Variants in MARCHF6 observed in about 807,000 individuals in gnomAD.
The protein encoded by MARCHF6 is E3 ubiquitin-protein ligase MARCHF6.
MARCHF6 carries 31 observed loss-of-function variants against 133.7 expected under a neutral mutation model. The ratio of observed to expected loss-of-function variants is 0.23; its 90% CI spans 0.17 to 0.31. MARCHF6 has a LOEUF of 0.31. Ranked by LOEUF, MARCHF6 falls within the 10% of genes least tolerant of loss-of-function variation. The pLI, the probability that MARCHF6 is intolerant of heterozygous loss-of-function variation, is 1.00. For synonymous variants in MARCHF6, 395 were observed against 402.5 expected (o/e 0.98, Z 0.22); for missense variants, 723 against 1,121.6 (o/e 0.64, Z 5.08).
In MARCHF6 at chr5:10,439,920, A is replaced by C. The variant is rs1287515488; in HGVS notation, c.*6236A>C. 2 of 152,302 alleles carry C rather than the reference A, an allele frequency of 1.3e-5. No homozygotes were observed. Among genetic ancestry groups the C allele is most frequent in the African/African-American group, 4.8e-5 (2 of 41,466 alleles). 9.4% of individuals were successfully genotyped at this position (152,302 alleles called of 1,614,324 possible). On this transcript the variant is annotated 3_prime_UTR_variant, in exon 26 of 26. Coordinates refer to ENST00000274140, the MANE Select transcript of MARCHF6 (RefSeq NM_005885.4). ...TTTGCACTTACTATTTGCAATACCC[A>C]AATGTTCTTCAGGCTCTTTAGCCTC...
Position 10,437,087 on chromosome 5 carries a change from G to A in MARCHF6, c.*3403G>A, listed in dbSNP as rs921961280. The A allele has an allele frequency of 3.3e-5, 5 of 152,244 alleles. No homozygotes were observed. Among genetic ancestry groups the A allele is most frequent in the Admixed American group, 6.5e-5 (1 of 15,286 alleles). The allele number at this position is 152,244 out of a possible 1,614,324, so 9.4% of individuals were successfully genotyped here. On this transcript the variant is annotated 3_prime_UTR_variant, in exon 26 of 26. Transcript: ENST00000274140. Reference sequence around the variant, plus strand: ...TTTAAAACAAAACAAACACTGGACAGTTCTACATTGTATTGCGTTTGCGAA... The same window carrying A: ...TTTAAAACAAAACAAACACTGGACAATTCTACATTGTATTGCGTTTGCGAA...
chr5:10,372,199 T>C (rs191651134), intron 1 of MARCHF6, among the ~76,000 whole-genome samples: 31 of 152,202 alleles, frequency 2.0e-4, no homozygotes, highest in Middle Eastern at 3.4e-3. Flanking sequence ...AGAAAATTAA[T>C]TTTCATTTTC....
chr5:10,397,437 CAT>C (rs1223080634), intron 10 of MARCHF6, 93 bp downstream of exon 10: 1 of 965,150 alleles, frequency 1.0e-6, no homozygotes, highest in Non-Finnish European at 1.5e-6. Flanking sequence ...TATTTTTTAA[CAT>C]AGAAATAAAT....
At chr5:10,428,347 T>TTG (rs1740199306) in intron 24 of MARCHF6, among the ~76,000 whole-genome samples, 5 of 142,922 alleles carry the variant, frequency 3.5e-5, no homozygotes, top group Admixed American at 3.5e-4. Flanking sequence ...TTTTTTTTTT[T>TTG]TTTTTTTTTT....
intron 25 of MARCHF6, among the ~76,000 whole-genome samples, chr5:10,432,622 C>G (rs577579089): frequency 1.3e-5 from 2 of 152,256 alleles, no homozygotes; most frequent in African/African-American, 2.4e-5. Context: ...AGATGTCTGT[C>G]TCCTTGAGTA....
At chr5:10,412,064 A>T (rs974420226) in intron 19 of MARCHF6, among the ~76,000 whole-genome samples, 3 of 152,244 alleles carry the variant, frequency 2.0e-5, no homozygotes, top group Non-Finnish European at 4.4e-5. Context: ...CTGTTATTTT[A>T]AAATGCCCTT....
At chr5:10,405,475 T>G in intron 15 of MARCHF6, 83 bp from the exon 16 acceptor site, 1 of 1,193,500 alleles carries the variant, frequency 8.4e-7, no homozygotes, top group South Asian at 1.6e-5. Flanking sequence ...TTCTAAGTGC[T>G]TATCTTTCTG....
At chr5:10,406,393 CTT>C (rs879432928) in intron 16 of MARCHF6, among the ~76,000 whole-genome samples, 20 of 142,036 alleles carry the variant, frequency 1.4e-4, no homozygotes, top group Non-Finnish European at 1.7e-4. Flanking sequence ...TAATTTCTTT[CTT>C]TTTTTTTTTT....
At chr5:10,423,683 G>A in intron 22 of MARCHF6, 52 bp from the exon 23 acceptor site, 1 of 1,258,158 alleles carries the variant, frequency 7.9e-7, no homozygotes, top group Non-Finnish European at 1.2e-6. Flanking sequence ...TCTCTGCTGT[G>A]TTTATTGTTA....
chr5:10,393,190 C>G (rs1010091891), intron 7 of MARCHF6, among the ~76,000 whole-genome samples: 7 of 152,124 alleles, frequency 4.6e-5, no homozygotes, highest in African/African-American at 1.4e-4. Flanking sequence ...CTCAGCTCCC[C>G]AAGTAGCTGG....
At chr5:10,377,495 TTTG>T (rs1270957146) in intron 1 of MARCHF6, among the ~76,000 whole-genome samples, 1 of 152,248 alleles carries the variant, frequency 6.6e-6, no homozygotes, top group African/African-American at 2.4e-5. Flanking sequence ...ATTTTTATTA[TTTG>T]TTGTGGAGAG....
intron 1 of MARCHF6, among the ~76,000 whole-genome samples, chr5:10,374,460 G>A (rs1736651769): frequency 6.6e-6 from 1 of 152,136 alleles, no homozygotes; most frequent in Non-Finnish European, 1.5e-5. Context: ...AAGAAAATTA[G>A]TGTTCAAAGT....
At chr5:10,404,333 G>A (rs1738751832) in intron 15 of MARCHF6, among the ~76,000 whole-genome samples, 1 of 152,116 alleles carries the variant, frequency 6.6e-6, no homozygotes, top group Admixed American at 6.6e-5. Context: ...CTCCCAAAGT[G>A]CTGGGATTAC....
chr5:10,353,839 T>A lies in MARCHF6; in HGVS notation c.-60T>A, dbSNP rs1579503255. 6.6e-7 allele frequency: 1 copy of A among 1,514,070 alleles called. No individual in the cohort carries two copies. 93.8% of individuals were successfully genotyped at this position (1,514,070 alleles called of 1,614,324 possible). ...CGGCTCCCTCCTCCTCTCCCCTCCCTCTTTCCCCGCCCGGCCGCGGGAGCC... is the reference window on the plus strand; with the variant it reads ...CGGCTCCCTCCTCCTCTCCCCTCCCACTTTCCCCGCCCGGCCGCGGGAGCC... On this transcript the variant is annotated 5_prime_UTR_variant, in exon 1 of 26. Transcript: ENST00000274140.
intron 7 of MARCHF6, 61 bp from the exon 8 acceptor site, chr5:10,394,020 AT>A (rs969522663): frequency 5.8e-4 from 606 of 1,038,052 alleles, no homozygotes; most frequent in African/African-American, 9.7e-4. Context: ...AGTGCATTCT[AT>A]TTTTTTTATT....
In MARCHF6 at chr5:10,375,497, C is replaced by T. The variant is rs186058549; in HGVS notation, c.20-2301C>T. Among the ~76,000 whole-genome samples, 385 of 152,380 alleles carry T rather than the reference C, an allele frequency of 2.5e-3. 3 individuals are homozygous for T. The highest frequency in any genetic ancestry group is 8.9e-3 in the African/African-American group (369 of 41,602). ...TCCCCGACGAGCACCACCCTCTGCT[C>T]CACGGCGCCCAGTCCCATCGACCAC... On this transcript the variant is annotated intron_variant, in intron 1 of 25. Coordinates refer to ENST00000274140, the MANE Select transcript of MARCHF6 (RefSeq NM_005885.4).
chr5:10,391,414 T>G (rs975988938), intron 6 of MARCHF6, 128 bp from the exon 7 acceptor site: 6 of 638,634 alleles, frequency 9.4e-6, no homozygotes, highest in Non-Finnish European at 1.5e-5. Context: ...ATTACAGGCA[T>G]GAGCCACTAC....
At chr5:10,404,715 T>C (rs998843403) in intron 15 of MARCHF6, among the ~76,000 whole-genome samples, 1 of 152,318 alleles carries the variant, frequency 6.6e-6, no homozygotes, top group Admixed American at 6.5e-5. Context: ...TGGTGTACTT[T>C]GTTCTTTGAA....
At chr5:10,365,212 G>T (rs768275335) in intron 1 of MARCHF6, among the ~76,000 whole-genome samples, 3 of 152,198 alleles carry the variant, frequency 2.0e-5, no homozygotes, top group Non-Finnish European at 4.4e-5. Flanking sequence ...AGGAGCAACA[G>T]TACAGGTGAA....
Sources: gnomAD v4.1 joint callset for allele counts (sites outside exome capture counted in the v4.1 genomes callset) on GRCh38, gnomAD v4.1.1 for gene constraint, MANE v1.5 for transcripts, NCBI Gene and HGNC (gene_info 2026-07-23, HGNC 2026-07-21) for gene names.